The following ARSB variants were observed in gnomAD, a reference collection of about 807,000 sequenced individuals.
ARSB encodes arylsulfatase B.
In ARSB, 41 loss-of-function variants were observed where a neutral mutation model predicts 50.9. That is an observed-to-expected ratio of 0.81 (90% CI 0.63 to 1.04). The LOEUF (loss-of-function observed/expected upper bound fraction) is 1.04, where lower values mean the gene tolerates loss of function less well. Ranked by LOEUF, ARSB falls within the 50% of genes least tolerant of loss-of-function variation. The pLI is 0.00. For synonymous variants in ARSB, 269 were observed against 284.8 expected (o/e 0.94, Z 0.56); for missense variants, 672 against 693.3 (o/e 0.97, Z 0.35).
chr5:78,862,584 T>G (rs1057169732), intron 5 of ARSB, among the ~76,000 whole-genome samples: 1 of 152,174 alleles, frequency 6.6e-6, no homozygotes, highest in African/African-American at 2.4e-5. Context: ...TCCTTACACC[T>G]TATACAAAAA....
At chr5:78,888,325 T>C (rs897943538) in intron 4 of ARSB, among the ~76,000 whole-genome samples, 2 of 152,198 alleles carry the variant, frequency 1.3e-5, no homozygotes, top group South Asian at 2.1e-4. Context: ...AATTCCTCCA[T>C]GTTCATGATA....
chr5:78,825,340 T>C (rs1744391530), intron 6 of ARSB, among the ~76,000 whole-genome samples: 1 of 152,252 alleles, frequency 6.6e-6, no homozygotes, highest in South Asian at 2.1e-4. Flanking sequence ...TGGTTTTCAC[T>C]GTCATTATTT....
At chr5:78,898,052 G>A (rs1033026678) in intron 4 of ARSB, among the ~76,000 whole-genome samples, 3 of 152,146 alleles carry the variant, frequency 2.0e-5, no homozygotes, top group African/African-American at 7.2e-5. Context: ...TGGATCACAT[G>A]AGGCCAGGAG....
chr5:78,914,300 A>C, intron 4 of ARSB, among the ~76,000 whole-genome samples: 1 of 152,156 alleles, frequency 6.6e-6, no homozygotes, highest in East Asian at 1.9e-4. Flanking sequence ...AAACATTATC[A>C]AATTTTTAAT....
intron 5 of ARSB, among the ~76,000 whole-genome samples, chr5:78,872,815 T>TAA (rs1561474961): frequency 3.9e-5 from 3 of 77,110 alleles, no homozygotes; most frequent in South Asian, 6.6e-4. Context: ...TAAAGTATAA[T>TAA]TAAAAAAAAA....
intron 6 of ARSB, among the ~76,000 whole-genome samples, chr5:78,811,437 C>T (rs1337788125): frequency 6.6e-6 from 1 of 152,142 alleles, no homozygotes; most frequent in Non-Finnish European, 1.5e-5. Flanking sequence ...AACTGAAATT[C>T]ATCACAGGAG....
At chr5:78,848,463 A>T (rs1745571165) in intron 5 of ARSB, among the ~76,000 whole-genome samples, 1 of 150,820 alleles carries the variant, frequency 6.6e-6, no homozygotes, top group Non-Finnish European at 1.5e-5. Context: ...CCAGTCTATC[A>T]TTGTTGGACG....
intron 4 of ARSB, among the ~76,000 whole-genome samples, chr5:78,932,243 A>T (rs1375971753): frequency 1.3e-5 from 2 of 152,260 alleles, no homozygotes; most frequent in African/African-American, 2.4e-5. Context: ...GTATTATGTC[A>T]GATACCGCTT....
chr5:78,963,345 C>G (rs1752077481), intron 3 of ARSB, among the ~76,000 whole-genome samples: 1 of 152,180 alleles, frequency 6.6e-6, no homozygotes, highest in Admixed American at 6.5e-5. Flanking sequence ...TATAAATTAC[C>G]CAGCCTCAGC....
At chr5:78,793,893 A>AT (rs1040345403) in intron 6 of ARSB, among the ~76,000 whole-genome samples, 17 of 150,064 alleles carry the variant, frequency 1.1e-4, no homozygotes, top group South Asian at 4.3e-4. Context: ...AATTTTTATT[A>AT]TTTTTTTTTT....
chr5:78,973,769 T>C (rs983689424), intron 1 of ARSB, among the ~76,000 whole-genome samples: 5 of 152,196 alleles, frequency 3.3e-5, no homozygotes, highest in Admixed American at 6.5e-5. Context: ...AGGCGATAGA[T>C]GCTCTTTCTC....
At chr5:78,937,080 C>T (rs1232769130) in intron 4 of ARSB, among the ~76,000 whole-genome samples, 7 of 151,878 alleles carry the variant, frequency 4.6e-5, no homozygotes, top group Non-Finnish European at 1.0e-4. Context: ...GCTCTTGCCT[C>T]ACAGAGAATT....
chr5:78,923,659 T>A (rs1749924835), intron 4 of ARSB, among the ~76,000 whole-genome samples: 1 of 152,236 alleles, frequency 6.6e-6, no homozygotes, highest in Admixed American at 6.5e-5. Context: ...GGAAAAGACT[T>A]AAAACTAAAA....
rs1269007161 is a variant in ARSB at position 78,985,133 on chromosome 5, G to C, written c.116C>G (p.Ala39Gly). 2 of 1,469,344 alleles carry C rather than the reference G, an allele frequency of 1.4e-6. No homozygotes were observed. The highest frequency in any genetic ancestry group is 1.8e-6 in the Non-Finnish European group (2 of 1,109,448). 91.0% of individuals were successfully genotyped at this position (1,469,344 alleles called of 1,614,324 possible). The stretch of plus-strand genomic sequence containing the variant: ...CAGGTGGGGCGGCCGGCTGGCCCCG[G>C]CGCCCGAGCCCGGCGGCGCCAACAA... Reference protein sequence around the residue: ...LLLLAPPGSGAGASRPPHLVF... With the variant: ...LLLLAPPGSGGGASRPPHLVF... The change falls in exon 1 of 8, where the codon GCC (alanine) becomes GGC (glycine). Residue 39 changes from alanine (A) to glycine (G), a missense_variant. Transcript: ENST00000264914.
intron 4 of ARSB, among the ~76,000 whole-genome samples, chr5:78,951,118 C>A (rs1751478185): frequency 6.6e-6 from 1 of 152,172 alleles, no homozygotes; most frequent in South Asian, 2.1e-4. Flanking sequence ...GCGGCTCACA[C>A]TGATAATCCT....
At chr5:78,807,633 C>T (rs1256899400) in intron 6 of ARSB, among the ~76,000 whole-genome samples, 3 of 152,094 alleles carry the variant, frequency 2.0e-5, no homozygotes, top group African/African-American at 2.4e-5. Flanking sequence ...TAAGGGAAGG[C>T]CTTTTAAGAA....
chr5:78,793,963 G>A lies in ARSB; in HGVS notation c.1214-11989C>T, dbSNP rs1192921019. ...AGCATGGGAGGAAAGTGGAAAAGGA[G>A]AATAGTGATCTGGGCAGAGGCACAA... On this transcript the variant is annotated intron_variant, in intron 6 of 7. Transcript: ENST00000264914. Among the ~76,000 whole-genome samples, 3 of 152,106 alleles carry A rather than the reference G, an allele frequency of 2.0e-5. No homozygotes were observed. The East Asian group carries it at 5.8e-4, about 29-fold the overall frequency.
At chr5:78,866,042 T>A (rs1485404991) in intron 5 of ARSB, among the ~76,000 whole-genome samples, 1 of 152,210 alleles carries the variant, frequency 6.6e-6, no homozygotes, top group African/African-American at 2.4e-5. Flanking sequence ...CTCTGCCTAT[T>A]ACCCAGTTCC....
chr5:78,905,179 C>T (rs890378525), intron 4 of ARSB, among the ~76,000 whole-genome samples: 4 of 152,154 alleles, frequency 2.6e-5, no homozygotes, highest in Admixed American at 1.3e-4. Context: ...TTTTTCCATT[C>T]ATTTCAAGAG....
Sources: gnomAD v4.1 joint callset for allele counts (sites outside exome capture counted in the v4.1 genomes callset) on GRCh38, gnomAD v4.1.1 for gene constraint, MANE v1.5 for transcripts, NCBI Gene and HGNC (gene_info 2026-07-23, HGNC 2026-07-21) for gene names.